Variants in CDH23 observed in about 807,000 individuals in gnomAD.
CDH23 encodes the protein cadherin-23.
In CDH23, 189 loss-of-function variants were observed where a neutral mutation model predicts 317.1. That is an observed-to-expected ratio of 0.60 (90% confidence interval 0.53 to 0.67). The LOEUF is 0.67. Ranked by LOEUF, CDH23 falls within the 30% of genes least tolerant of loss-of-function variation. CDH23 has a pLI of 0.00. For synonymous variants in CDH23, 1,839 were observed against 1,876.8 expected, an observed-to-expected ratio of 0.98 and a Z score of 0.52; for missense variants, 4,401 against 4,592.4, an observed-to-expected ratio of 0.96 and a Z score of 1.20.
At chr10:71,524,233 C>T (rs749059887) in intron 6 of CDH23, among the ~76,000 whole-genome samples, 32 of 152,322 alleles carry the variant, frequency 2.1e-4, no homozygotes, top group Admixed American at 4.6e-4. Flanking sequence ...CCACCGTGGA[C>T]GGACCCTCAG....
At chr10:71,708,383 G>A (rs1865863755) in intron 26 of CDH23, among the ~76,000 whole-genome samples, 1 of 152,146 alleles carries the variant, frequency 6.6e-6, no homozygotes, top group South Asian at 2.1e-4. Context: ...TGGTGCCGTG[G>A]CGCCCTCTGC....
chr10:71,410,981 C>A (rs1348552273), intron 1 of CDH23, among the ~76,000 whole-genome samples: 1 of 152,166 alleles, frequency 6.6e-6, no homozygotes, highest in African/African-American at 2.4e-5. Context: ...ATATGCAATT[C>A]TATAAGTATT....
chr10:71,753,957 T>C (rs1256051121), intron 38 of CDH23: 1 of 443,088 alleles, frequency 2.3e-6, no homozygotes, highest in Non-Finnish European at 4.6e-6. Context: ...GTTGGTCCCA[T>C]TTTAGAGCTG....
At chr10:71,521,903 C>T (rs935228207) in intron 6 of CDH23, among the ~76,000 whole-genome samples, 11 of 152,168 alleles carry the variant, frequency 7.2e-5, no homozygotes, top group Non-Finnish European at 1.5e-4. Context: ...CCCCTGGCCC[C>T]CCACCTGCAG....
intron 11 of CDH23, among the ~76,000 whole-genome samples, chr10:71,626,355 G>A (rs1239462590): frequency 2.6e-5 from 4 of 152,280 alleles, no homozygotes; most frequent in East Asian, 3.9e-4. Context: ...TCTTAGAGCT[G>A]GCATCCTTAG....
At chr10:71,447,364 G>A (rs186685346) in intron 3 of CDH23, among the ~76,000 whole-genome samples, 58 of 152,280 alleles carry the variant, frequency 3.8e-4, no homozygotes, top group Non-Finnish European at 2.6e-4. Flanking sequence ...ATTCTTCAAC[G>A]ATCTCTGCTC....
At chr10:71,467,160 G>A (rs7093000) in intron 3 of CDH23, among the ~76,000 whole-genome samples, 23,204 of 138,030 alleles carry the variant, frequency 0.17, 2,393 homozygotes, top group African/African-American at 0.28. Flanking sequence ...GACCCCAGAG[G>A]GAAGAGGGAA....
At chr10:71,706,290 G>C (rs1189488301) in intron 25 of CDH23, among the ~76,000 whole-genome samples, 1 of 152,140 alleles carries the variant, frequency 6.6e-6, no homozygotes, top group East Asian at 1.9e-4. Flanking sequence ...TTATTTCGGG[G>C]GGTGGGATTT....
At chr10:71,612,429 T>C (rs1412802095) in intron 9 of CDH23, among the ~76,000 whole-genome samples, 1 of 151,876 alleles carries the variant, frequency 6.6e-6, no homozygotes, top group Non-Finnish European at 1.5e-5. Context: ...AGTGAAGAAA[T>C]ACAAGTGAGT....
chr10:71,811,351 ACGGAATCTTTTC>A lies in CDH23; in HGVS notation c.9120_9131del (p.Leu3041_Asn3044del). 6.2e-7 allele frequency: 1 copy of A among 1,613,906 alleles called. No homozygotes were observed. The stretch of plus-strand genomic sequence containing the variant: ...TGATCGATGAGAACAAGGAGCAGCT[ACGGAATCTTTTC>A]CGGAACTACAACGTCCTGGACGTGC... On this transcript the variant is annotated inframe_deletion, in exon 63 of 70. Coordinates refer to ENST00000224721, the MANE Select transcript of CDH23 (RefSeq NM_022124.6).
In CDH23 at chr10:71,464,431, C is replaced by T. The variant is rs1020558618; in HGVS notation, c.145+18036C>T. Among the ~76,000 whole-genome samples the T allele has an allele frequency of 3.3e-5, 5 of 152,172 alleles. No homozygotes were observed. The East Asian group carries it at 7.7e-4, about 23-fold the overall frequency. Reference sequence around the variant, plus strand: ...TCCAAGGCAGCCTGTCTGTGTCTCCCTACCTGCAGGGATGGAGAAGATGGT... The same window carrying T: ...TCCAAGGCAGCCTGTCTGTGTCTCCTTACCTGCAGGGATGGAGAAGATGGT... On this transcript the variant is annotated intron_variant, in intron 3 of 69. Transcript: ENST00000224721.
intron 35 of CDH23, among the ~76,000 whole-genome samples, chr10:71,739,041 G>A (rs1018432288): frequency 6.6e-6 from 1 of 152,212 alleles, no homozygotes. Flanking sequence ...GAGTGCAGAG[G>A]GAGAAGTGAT....
chr10:71,738,721 C>T lies in CDH23; in HGVS notation c.4359+74C>T, dbSNP rs1016748973. 5.9e-6 allele frequency: 9 copies of T among 1,526,480 alleles called. No homozygotes were observed. In the African/African-American group the frequency reaches 9.6e-5, roughly 16 times the overall value. 94.6% of individuals were successfully genotyped at this position (1,526,480 alleles called of 1,614,324 possible). A position where few individuals can be genotyped will look rare whatever the true frequency, so the allele number is the denominator to read the frequency against. On this transcript the variant is annotated intron_variant, in intron 35 of 69. Coordinates refer to ENST00000224721, the MANE Select transcript of CDH23 (RefSeq NM_022124.6). ...CCACAGCTCTCACAGCTGGAGGGGC[C>T]TTCTGAGCCACCCCCATCACCAAGC...
In CDH23 at chr10:71,578,264, C is replaced by T. The variant is rs192143894; in HGVS notation, c.832+272C>T. Among the ~76,000 whole-genome samples, 7 of 152,202 alleles carry T rather than the reference C, an allele frequency of 4.6e-5. No individual in the cohort carries two copies. In the East Asian group the frequency reaches 1.2e-3, roughly 25 times the overall value. On this transcript the variant is annotated intron_variant, in intron 9 of 69. Coordinates refer to ENST00000224721, the MANE Select transcript of CDH23 (RefSeq NM_022124.6). ...GGCACTGGGGGGTGGGCGCGTGTGCCGCTGTCCAAGGTCTGAGACGGTTGG... is the reference window on the plus strand; with the variant it reads ...GGCACTGGGGGGTGGGCGCGTGTGCTGCTGTCCAAGGTCTGAGACGGTTGG...
chr10:71,487,875 G>A (rs896814709), intron 3 of CDH23, among the ~76,000 whole-genome samples: 3 of 152,144 alleles, frequency 2.0e-5, no homozygotes. Context: ...CATAAAAACA[G>A]CCTACTTCCT....
intron 6 of CDH23, among the ~76,000 whole-genome samples, chr10:71,554,590 A>G (rs1856780399): frequency 6.6e-6 from 1 of 152,132 alleles, no homozygotes; most frequent in Non-Finnish European, 1.5e-5. Flanking sequence ...GGGTTCAGAG[A>G]CAGTGCCCTG....
At chr10:71,567,171 C>T (rs755513805) in intron 7 of CDH23, among the ~76,000 whole-genome samples, 1 of 152,238 alleles carries the variant, frequency 6.6e-6, no homozygotes. Flanking sequence ...AGCCCCGTGT[C>T]ATAAGTATTG....
chr10:71,692,677 G>T (rs1472423947), intron 20 of CDH23, among the ~76,000 whole-genome samples: 1 of 152,188 alleles, frequency 6.6e-6, no homozygotes, highest in Admixed American at 6.5e-5. Flanking sequence ...AGACCAGAGG[G>T]CAAGCCAGTG....
At chr10:71,398,993 C>T (rs1847663682) in intron 1 of CDH23, among the ~76,000 whole-genome samples, 1 of 152,220 alleles carries the variant, frequency 6.6e-6, no homozygotes, top group Admixed American at 6.5e-5. Flanking sequence ...CTCCTCACGT[C>T]TGCTTACCAA....
Sources: gnomAD v4.1 joint callset for allele counts (sites outside exome capture counted in the v4.1 genomes callset) on GRCh38, gnomAD v4.1.1 for gene constraint, MANE v1.5 for transcripts, NCBI Gene and HGNC (gene_info 2026-07-23, HGNC 2026-07-21) for gene names.